Variants in NKAIN2 observed in about 807,000 individuals in gnomAD.
NKAIN2 encodes sodium/potassium transporting ATPase interacting 2.
In NKAIN2, 14 loss-of-function variants were observed where a neutral mutation model predicts 32.6. The observed-to-expected ratio is 0.43, with a 90% CI of 0.28 to 0.67. The LOEUF (loss-of-function observed/expected upper bound fraction) is 0.67, where lower values mean the gene tolerates loss of function less well. Ranked by LOEUF, NKAIN2 falls within the 30% of genes least tolerant of loss-of-function variation. The probability of loss-of-function intolerance (pLI) is 0.17; values close to 1 mark genes in which losing one functional copy is unlikely to be tolerated. For synonymous variants in NKAIN2, 80 were observed against 87.2 expected, an observed-to-expected ratio of 0.92 and a Z score of 0.46; for missense variants, 198 against 258.3, an observed-to-expected ratio of 0.77 and a Z score of 1.60.
In NKAIN2 at chr6:123,821,405, C is replaced by A. The variant is rs141040708; in HGVS notation, c.54+17151C>A. 2.0e-5 allele frequency among the ~76,000 whole-genome samples: 3 copies of A among 152,240 alleles called. No homozygotes were observed. The East Asian group carries it at 5.8e-4, about 29-fold the overall frequency. On this transcript the variant is annotated intron_variant, in intron 1 of 6. Coordinates refer to ENST00000368417, the MANE Select transcript of NKAIN2 (RefSeq NM_001040214.3). ...TAAGATGCTGCTCAAATGGACAGTG[C>A]AAAGGGAATCATTGTCCCTTGATTT...
intron 1 of NKAIN2, among the ~76,000 whole-genome samples, chr6:124,270,655 A>T (rs1794717943): frequency 6.6e-6 from 1 of 152,338 alleles, no homozygotes; most frequent in Admixed American, 6.5e-5. Flanking sequence ...GAACAAATAG[A>T]TGCTGCTGAT....
intron 2 of NKAIN2, among the ~76,000 whole-genome samples, chr6:124,319,692 A>G (rs201221683): frequency 4.6e-5 from 7 of 152,102 alleles, no homozygotes; most frequent in Admixed American, 1.3e-4. Context: ...AAATATGTCC[A>G]TTCATTTTAA....
rs71776352 is a variant in NKAIN2 at position 124,397,527 on chromosome 6, G to GTTTTT, written c.273+42188_273+42192dup. On this transcript the variant is annotated intron_variant, in intron 3 of 6. Coordinates refer to ENST00000368417, the MANE Select transcript of NKAIN2 (RefSeq NM_001040214.3). ...TGATTGAGATACTGTGTCACAGAGAGTTTTTTTTTTTTAATTATAACCAGG... is the reference window on the plus strand; with the variant it reads ...TGATTGAGATACTGTGTCACAGAGAGTTTTTTTTTTTTTTTTTAATTATAACCAGG... Among the ~76,000 whole-genome samples the GTTTTT allele has an allele frequency of 7.2e-3, 1,047 of 145,010 alleles. 10 individuals carry two copies. Among genetic ancestry groups the GTTTTT allele is most frequent in the Non-Finnish European group, 9.4e-3 (616 of 65,728 alleles).
chr6:124,668,123 G>A (rs749614119), intron 4 of NKAIN2, among the ~76,000 whole-genome samples: 163 of 152,146 alleles, frequency 1.1e-3, no homozygotes, highest in Non-Finnish European at 1.5e-3. Context: ...GGCCCTGAGA[G>A]TCAAGGCCAT....
At position 124,706,652 on chromosome 6, in the gene NKAIN2, T is replaced by C. The variant is rs1372599691; in HGVS notation, c.474+48266T>C. On this transcript the variant is annotated intron_variant, in intron 4 of 6. Coordinates refer to ENST00000368417, the MANE Select transcript of NKAIN2 (RefSeq NM_001040214.3). Reference sequence around the variant, plus strand: ...AAAGATGTGAAAGCAGATAGAAAAGTCTCAGTATAAATAAGTGGTCAAAGA... The same window carrying C: ...AAAGATGTGAAAGCAGATAGAAAAGCCTCAGTATAAATAAGTGGTCAAAGA... 2.6e-5 allele frequency among the ~76,000 whole-genome samples: 4 copies of C among 152,204 alleles called. No homozygotes were observed. The East Asian group carries it at 7.7e-4, about 29-fold the overall frequency.
chr6:124,101,018 G>A (rs1003143385), intron 1 of NKAIN2, among the ~76,000 whole-genome samples: 3 of 152,118 alleles, frequency 2.0e-5, no homozygotes, highest in African/African-American at 7.2e-5. Context: ...ATTAGCTGGT[G>A]GATATATTTT....
chr6:124,476,057 AGAGAGAGAGT>A (rs1375891697), intron 3 of NKAIN2, among the ~76,000 whole-genome samples: 1 of 87,678 alleles, frequency 1.1e-5, no homozygotes, highest in Non-Finnish European at 2.3e-5. Context: ...TGAGAGAGAG[AGAGAGAGAGT>A]GTGTGTGTGT....
intron 4 of NKAIN2, among the ~76,000 whole-genome samples, chr6:124,669,002 G>C (rs1056264820): frequency 6.6e-6 from 1 of 152,026 alleles, no homozygotes; most frequent in East Asian, 1.9e-4. Flanking sequence ...AAGTTGCTGT[G>C]ATCATTTATC....
In NKAIN2 at chr6:124,684,185, A is replaced by G. The variant is rs567692194; in HGVS notation, c.474+25799A>G. Among the ~76,000 whole-genome samples the G allele has an allele frequency of 2.0e-5, 3 of 152,320 alleles. No homozygotes were observed. The East Asian group carries it at 5.8e-4, about 29-fold the overall frequency. ...ATCTTCAAAGGCAATAGGAAAATAA[A>G]TACATGTCTGCTCGAAATTTTGTGT... On this transcript the variant is annotated intron_variant, in intron 4 of 6. Transcript: ENST00000368417.
At chr6:124,460,909 C>T (rs1218238954) in intron 3 of NKAIN2, among the ~76,000 whole-genome samples, 1 of 151,322 alleles carries the variant, frequency 6.6e-6, no homozygotes, top group South Asian at 2.1e-4. Context: ...TATTTCCCCC[C>T]CTTTTAATTT....
At position 124,594,885 on chromosome 6, in the gene NKAIN2, A is replaced by T. The variant is rs73772172; in HGVS notation, c.274-63301A>T. Among the ~76,000 whole-genome samples, 867 of 152,176 alleles carry T rather than the reference A, an allele frequency of 5.7e-3. 10 individuals are homozygous for T. Among genetic ancestry groups the T allele is most frequent in the African/African-American group, 0.02 (822 of 41,536 alleles). On this transcript the variant is annotated intron_variant, in intron 3 of 6. Transcript: ENST00000368417. ...ACAGGAAGAATGCATCCTTCCTGTC[A>T]CAGGAGGGAAGGTGGAAAGATAGGC...
chr6:124,375,228 A>G (rs904853211), intron 3 of NKAIN2, among the ~76,000 whole-genome samples: 1 of 151,804 alleles, frequency 6.6e-6, no homozygotes, highest in African/African-American at 2.4e-5. Flanking sequence ...TCCCACTCCT[A>G]TTACTTGTCT....
chr6:124,625,234 T>C (rs1442822742), intron 3 of NKAIN2, among the ~76,000 whole-genome samples: 1 of 152,174 alleles, frequency 6.6e-6, no homozygotes, highest in African/African-American at 2.4e-5. Flanking sequence ...AATTTCCTTT[T>C]TCCCTGGGAC....
At chr6:124,409,732 C>G (rs1440545798) in intron 3 of NKAIN2, among the ~76,000 whole-genome samples, 1 of 152,192 alleles carries the variant, frequency 6.6e-6, no homozygotes, top group Non-Finnish European at 1.5e-5. Context: ...AGGATTCCCT[C>G]TTTTTCTATT....
intron 1 of NKAIN2, among the ~76,000 whole-genome samples, chr6:124,020,353 C>T (rs970999019): frequency 1.3e-5 from 2 of 152,112 alleles, no homozygotes; most frequent in African/African-American, 2.4e-5. Context: ...TTATTGGATC[C>T]ATTCCCTTTG....
chr6:124,127,307 A>C (rs1459920670), intron 1 of NKAIN2, among the ~76,000 whole-genome samples: 1 of 152,154 alleles, frequency 6.6e-6, no homozygotes, highest in Non-Finnish European at 1.5e-5. Context: ...CACGGTTCAG[A>C]GGGGAAGACT....
chr6:124,470,393 G>A (rs1263965729), intron 3 of NKAIN2, among the ~76,000 whole-genome samples: 1 of 152,120 alleles, frequency 6.6e-6, no homozygotes, highest in Non-Finnish European at 1.5e-5. Flanking sequence ...GCAGCAGTGT[G>A]GAGGAATGAT....
At chr6:124,334,270 A>G (rs181126678) in intron 2 of NKAIN2, among the ~76,000 whole-genome samples, 14 of 152,344 alleles carry the variant, frequency 9.2e-5, no homozygotes, top group Admixed American at 2.0e-4. Flanking sequence ...TGTTCAATGT[A>G]TAATATAATG....
chr6:124,807,348 C>CAT (rs1780622825), intron 5 of NKAIN2, among the ~76,000 whole-genome samples: 1 of 150,866 alleles, frequency 6.6e-6, no homozygotes, highest in Non-Finnish European at 1.5e-5. Flanking sequence ...CTCAAAACTG[C>CAT]TCAACTACAT....
Sources: allele counts gnomAD v4.1 joint callset (sites outside exome capture counted in the v4.1 genomes callset), GRCh38; gene constraint gnomAD v4.1.1; transcripts MANE v1.5; gene names NCBI Gene and HGNC (gene_info 2026-07-23, HGNC 2026-07-21).